USP31: variants seen among roughly 807,000 people sequenced by gnomAD.
USP31 encodes ubiquitin carboxyl-terminal hydrolase 31.
Under a neutral mutation model 119.4 loss-of-function variants are expected in USP31, and 44 were observed. The ratio of observed to expected loss-of-function variants is 0.37; its 90% CI spans 0.29 to 0.47. The LOEUF (loss-of-function observed/expected upper bound fraction) is 0.47, where lower values mean the gene tolerates loss of function less well. Ranked by LOEUF, USP31 falls within the 20% of genes least tolerant of loss-of-function variation. The probability of loss-of-function intolerance (pLI) is 0.99; values close to 1 mark genes in which losing one functional copy is unlikely to be tolerated. For synonymous variants in USP31, 749 were observed against 705.6 expected, an observed-to-expected ratio of 1.06 and a Z score of -0.97; for missense variants, 1,643 against 1,730.2, an observed-to-expected ratio of 0.95 and a Z score of 0.89.
intron 6 of USP31, among the ~76,000 whole-genome samples, chr16:23,095,457 A>G (rs1901562063): frequency 6.6e-6 from 1 of 152,238 alleles, no homozygotes; most frequent in Non-Finnish European, 1.5e-5. Context: ...TCCCCAACCT[A>G]GCAAGGCAGG....
intron 6 of USP31, among the ~76,000 whole-genome samples, chr16:23,097,577 A>G (rs1182104537): frequency 6.6e-6 from 1 of 152,212 alleles, no homozygotes; most frequent in East Asian, 1.9e-4. Flanking sequence ...AATCCTCAAT[A>G]AAATACTGGC....
At chr16:23,131,513 A>G (rs779992966) in intron 1 of USP31, among the ~76,000 whole-genome samples, 11 of 152,240 alleles carry the variant, frequency 7.2e-5, no homozygotes, top group Middle Eastern at 3.4e-3. Flanking sequence ...TTAGGTCCTC[A>G]TCCAACTCAC....
chr16:23,080,841 A>T (rs1271830381), intron 12 of USP31, among the ~76,000 whole-genome samples: 1 of 152,126 alleles, frequency 6.6e-6, no homozygotes, highest in Non-Finnish European at 1.5e-5. Context: ...AGGGAAGAAA[A>T]ATGTTCATGA....
chr16:23,141,848 ATG>A (rs1903362290), intron 1 of USP31, among the ~76,000 whole-genome samples: 1 of 152,228 alleles, frequency 6.6e-6, no homozygotes. Flanking sequence ...AATATGTGGC[ATG>A]GAGTTAGAAA....
intron 6 of USP31, 108 bp downstream of exon 6, chr16:23,102,208 TACC>T (rs1901906341): frequency 2.4e-5 from 28 of 1,181,460 alleles, no homozygotes; most frequent in South Asian, 2.2e-4. Flanking sequence ...ATGTGTATTT[TACC>T]ACAATTTAAA....
At chr16:23,100,303 A>G (rs1014880209) in intron 6 of USP31, among the ~76,000 whole-genome samples, 1 of 152,266 alleles carries the variant, frequency 6.6e-6, no homozygotes, top group East Asian at 1.9e-4. Flanking sequence ...ACAAAATGTG[A>G]TCTATTCAAA....
intron 11 of USP31, among the ~76,000 whole-genome samples, chr16:23,082,831 C>CTCTTTTTTT (rs749099969): frequency 1.3e-4 from 17 of 129,312 alleles, no homozygotes; most frequent in South Asian, 5.0e-4. Flanking sequence ...CTTTCTCTCT[C>CTCTTTTTTT]TTTTTTTTTT....
chr16:23,096,549 G>C (rs1057428709), intron 6 of USP31, among the ~76,000 whole-genome samples: 2 of 152,138 alleles, frequency 1.3e-5, no homozygotes, highest in Non-Finnish European at 1.5e-5. Context: ...ATTCTTCTCA[G>C]CACCACATCG....
At chr16:23,110,741 A>T (rs1277986557) in intron 1 of USP31, among the ~76,000 whole-genome samples, 1 of 152,200 alleles carries the variant, frequency 6.6e-6, no homozygotes. Flanking sequence ...ACTCAGTGTG[A>T]TGAATAGATT....
At chr16:23,105,707 T>C (rs17797005) in intron 4 of USP31, 131 bp from the exon 5 acceptor site, 74,999 of 1,066,196 alleles carry the variant, frequency 0.07, 2,990 homozygotes, top group Non-Finnish European at 0.077. Flanking sequence ...GAAGCCCAAA[T>C]GGAAAAATTT....
At chr16:23,106,544 G>A (rs1902115276) in intron 2 of USP31, 57 bp from the exon 3 acceptor site, 1 of 1,481,316 alleles carries the variant, frequency 6.8e-7, no homozygotes. Context: ...CTTGGTTGAA[G>A]ATGAAGCTAG....
chr16:23,091,547 TTAA>T (rs1475126363), intron 6 of USP31, among the ~76,000 whole-genome samples: 2 of 152,128 alleles, frequency 1.3e-5, no homozygotes, highest in Admixed American at 1.3e-4. Context: ...GCCACCACCA[TTAA>T]TAATAATACC....
chr16:23,148,812 G>A lies in USP31; in HGVS notation c.459C>T (p.Ala153=), dbSNP rs1903614150. The change falls in exon 1 of 16, where the codon GCC becomes GCT. Residue 153 remains alanine (A), a synonymous_variant. Transcript: ENST00000219689. ...LQCLSNTELF[A]EYLALGQYRA... is the part of the protein sequence containing the mutation. ...GGTACTGGCCCAGCGCCAGGTACTC[G>A]GCGAAGAGCTCGGTGTTGCTGAGGC... 1.3e-6 allele frequency: 2 copies of A among 1,538,630 alleles called. No homozygotes were observed. The highest frequency in any genetic ancestry group is 1.7e-6 in the Non-Finnish European group (2 of 1,146,882).
Position 23,068,486 on chromosome 16 carries a change from G to A in USP31, c.3619C>T (p.Pro1207Ser), listed in dbSNP as rs1479439342. 1.2e-6 allele frequency: 2 copies of A among 1,613,274 alleles called. No individual in the cohort carries two copies. The highest frequency in any genetic ancestry group is 1.7e-6 in the Non-Finnish European group (2 of 1,179,566). ...AAACCAGACTTGATGCTTGTGCTGG[G>A]GGAGCGCAGGCTGGCCATGGAGGAG... ...RSSSMASLRS[P>S]STSIKSGLKR... The change falls in exon 16 of 16, where the codon CCC becomes TCC. Residue 1207 changes from proline to serine, a missense_variant. By Grantham distance (74) the Pro-to-Ser change is moderately conservative (BLOSUM62 -1). Around this residue, in one of 5 missense-constraint regions of USP31, gnomAD observed 699 missense variants for 650.9 expected, o/e 1.07. Transcript: ENST00000219689.
At position 23,087,487 on chromosome 16, in the gene USP31, G is replaced by A. The variant is rs574057363; in HGVS notation, c.1527+237C>T. On this transcript the variant is annotated intron_variant, in intron 8 of 15. Transcript: ENST00000219689. Reference sequence around the variant, plus strand: ...TAATAATTTTTAACATATACAGATAGACATTCTACTAAATCCTTTCCAAGC... The same window carrying A: ...TAATAATTTTTAACATATACAGATAAACATTCTACTAAATCCTTTCCAAGC... 3.8e-3 allele frequency among the ~76,000 whole-genome samples: 572 copies of A among 152,308 alleles called. 31 individuals are homozygous for A. In the South Asian group the frequency reaches 0.11, roughly 30 times the overall value.
At chr16:23,113,314 T>C (rs903943318) in intron 1 of USP31, among the ~76,000 whole-genome samples, 2 of 152,128 alleles carry the variant, frequency 1.3e-5, no homozygotes, top group Non-Finnish European at 2.9e-5. Context: ...GAAATTTGAA[T>C]CAGAGCAGCA....
At chr16:23,073,157 C>T (rs1423405158) in intron 14 of USP31, among the ~76,000 whole-genome samples, 1 of 152,102 alleles carries the variant, frequency 6.6e-6, no homozygotes. Flanking sequence ...ACACAACAGG[C>T]TGGATGTCAT....
chr16:23,106,723 G>A (rs868082463), intron 2 of USP31, among the ~76,000 whole-genome samples: 3 of 151,988 alleles, frequency 2.0e-5, no homozygotes, highest in African/African-American at 4.8e-5. Context: ...GCACTCAGCC[G>A]GGCAGCTCCC....
intron 1 of USP31, among the ~76,000 whole-genome samples, chr16:23,117,476 C>T (rs1012318382): frequency 6.6e-6 from 1 of 152,116 alleles, no homozygotes; most frequent in African/African-American, 2.4e-5. Context: ...ATAACTGACT[C>T]GTGAAACCAC....
Sources: allele counts gnomAD v4.1 joint callset (sites outside exome capture counted in the v4.1 genomes callset), GRCh38; gene constraint gnomAD v4.1.1; regional missense constraint gnomAD v4.1.1; transcripts MANE v1.5; gene names NCBI Gene and HGNC (gene_info 2026-07-23, HGNC 2026-07-21).